Variants in CEP63 observed in about 807,000 individuals in gnomAD.
The protein encoded by CEP63 is centrosomal protein of 63 kDa.
A neutral mutation model predicts 89.1 loss-of-function variants in CEP63; 84 were observed. That is an observed-to-expected ratio of 0.94 (90% CI 0.79 to 1.13). The LOEUF is 1.13. CEP63 is among the 50% of genes most tolerant of loss of function. The probability of loss-of-function intolerance (pLI) is 0.00; values close to 1 mark genes in which losing one functional copy is unlikely to be tolerated. For synonymous variants in CEP63, 267 were observed against 272.5 expected (o/e 0.98, Z 0.20); for missense variants, 838 against 813.3 (o/e 1.03, Z -0.37).
intron 3 of CEP63, among the ~76,000 whole-genome samples, chr3:134,531,290 G>C (rs778340474): frequency 3.7e-4 from 57 of 152,074 alleles, no homozygotes; most frequent in Non-Finnish European, 6.6e-4. Context: ...ATCAGACAGA[G>C]AGACACAGTT....
chr3:134,725,743 T>C, the CEP63 span, among the ~76,000 whole-genome samples: 1 of 152,174 alleles, frequency 6.6e-6, no homozygotes, highest in Non-Finnish European at 1.5e-5. Context: ...CTCAGAGTTG[T>C]TAGGGTCTTG....
At chr3:134,616,372 T>C in the CEP63 span, among the ~76,000 whole-genome samples, 1 of 152,358 alleles carries the variant, frequency 6.6e-6, no homozygotes, top group South Asian at 2.1e-4. Context: ...AAAGTAATGA[T>C]GTCCACCCTG....
At chr3:134,495,752 C>T (rs1394184874) in intron 2 of CEP63, among the ~76,000 whole-genome samples, 3 of 152,194 alleles carry the variant, frequency 2.0e-5, no homozygotes, top group Admixed American at 6.5e-5. Context: ...TTCCCAGCCT[C>T]TGGTAACCAT....
intron 12 of CEP63, among the ~76,000 whole-genome samples, chr3:134,556,979 TAC>T (rs1047755374): frequency 1.3e-5 from 2 of 152,220 alleles, no homozygotes; most frequent in Admixed American, 1.3e-4. Flanking sequence ...TGAAATTACA[TAC>T]AGTGTGAATA....
chr3:134,566,069 C>G (rs1957744234), downstream of CEP63, among the ~76,000 whole-genome samples: 2 of 152,006 alleles, frequency 1.3e-5, no homozygotes, highest in South Asian at 4.1e-4. Context: ...TTAAACCAAT[C>G]TTTTGTAAAA....
chr3:134,557,443 A>G (rs1175787014), intron 12 of CEP63, among the ~76,000 whole-genome samples: 3 of 143,398 alleles, frequency 2.1e-5, no homozygotes, highest in African/African-American at 8.1e-5. Flanking sequence ...TAAACTCCAA[A>G]GATTACCATA....
chr3:134,633,439 G>T, the CEP63 span, among the ~76,000 whole-genome samples: 1 of 152,036 alleles, frequency 6.6e-6, no homozygotes, highest in African/African-American at 2.4e-5. Flanking sequence ...ATGCAAAGCT[G>T]GTTAAATATT....
At chr3:134,589,091 T>A (rs2107682310), downstream of CEP63, among the ~76,000 whole-genome samples, 1 of 152,340 alleles carries the variant, frequency 6.6e-6, no homozygotes, top group East Asian at 1.9e-4. Flanking sequence ...AGTATCAGGC[T>A]CAGATGGCTT....
intron 12 of CEP63, chr3:134,553,573 C>A (rs1955404652): frequency 1.3e-5 from 2 of 152,018 alleles, no homozygotes; most frequent in Admixed American, 6.5e-5. Flanking sequence ...TGTTCAACCT[C>A]TCTAATAAAG....
the CEP63 span, among the ~76,000 whole-genome samples, chr3:134,755,945 G>A: frequency 4.5e-4 from 68 of 152,294 alleles, no homozygotes; most frequent in South Asian, 5.4e-3. Context: ...AGGCTCACAC[G>A]GGTCCACAGC....
At chr3:134,778,922 A>G in the CEP63 span, among the ~76,000 whole-genome samples, 4 of 152,156 alleles carry the variant, frequency 2.6e-5, no homozygotes, top group Non-Finnish European at 5.9e-5. Context: ...ATGTGGCTCC[A>G]TGGTTGTTAC....
the CEP63 span, among the ~76,000 whole-genome samples, chr3:134,700,448 A>G: frequency 6.6e-6 from 1 of 152,216 alleles, no homozygotes; most frequent in Non-Finnish European, 1.5e-5. Flanking sequence ...GAAAAACAGC[A>G]GGTTCCTATC....
At position 134,547,614 on chromosome 3, in the gene CEP63, C is replaced by CTTTTTTTTTTTTGTTTTTTTTTT. The variant is rs1953754749; in HGVS notation, c.1067+154_1067+155insGTTTTTTTTTTTTTTTTTTTTTT. Reference sequence around the variant, plus strand: ...CCACAAATGGCCTAAGTTCTTATTTCTTTTTTTTTTTTTTTGAGACGGAGT... The same window carrying CTTTTTTTTTTTTGTTTTTTTTTT: ...CCACAAATGGCCTAAGTTCTTATTTCTTTTTTTTTTTTGTTTTTTTTTTTTTTTTTTTTTTTTTGAGACGGAGT... On this transcript the variant is annotated intron_variant, in intron 9 of 14. Coordinates refer to ENST00000675561, the MANE Select transcript of CEP63 (RefSeq NM_001353108.3). 3 of 224,274 alleles carry CTTTTTTTTTTTTGTTTTTTTTTT rather than the reference C, an allele frequency of 1.3e-5. 1 individual carries two copies. Among genetic ancestry groups the CTTTTTTTTTTTTGTTTTTTTTTT allele is most frequent in the Non-Finnish European group, 2.4e-5 (3 of 125,448 alleles). The allele number at this position is 224,274 out of a possible 1,614,324, so 13.9% of individuals were successfully genotyped here. A position where few individuals can be genotyped will look rare whatever the true frequency, so the allele number is the denominator to read the frequency against.
At chr3:134,609,075 G>C in the CEP63 span, among the ~76,000 whole-genome samples, 169 of 152,344 alleles carry the variant, frequency 1.1e-3, 1 homozygote, top group African/African-American at 3.7e-3. Context: ...TGCACTCAGT[G>C]CCCTAGGCTG....
intron 2 of CEP63, among the ~76,000 whole-genome samples, chr3:134,503,100 C>CTTTTTTT (rs34673408): frequency 0.011 from 1,048 of 91,468 alleles, no homozygotes; most frequent in East Asian, 0.021. Context: ...TGATTTCAAT[C>CTTTTTTT]TTTTTTTTTT....
At chr3:134,618,190 C>T in the CEP63 span, among the ~76,000 whole-genome samples, 3 of 152,088 alleles carry the variant, frequency 2.0e-5, no homozygotes, top group Non-Finnish European at 2.9e-5. Context: ...GTGATGGGGG[C>T]AGGAGGCAGC....
At chr3:134,675,527 T>G in the CEP63 span, among the ~76,000 whole-genome samples, 4 of 152,152 alleles carry the variant, frequency 2.6e-5, no homozygotes, top group Non-Finnish European at 5.9e-5. Flanking sequence ...AAAAAATAAA[T>G]GAATTGGACT....
chr3:134,550,468 G>A (rs971191638), intron 11 of CEP63, among the ~76,000 whole-genome samples: 13 of 152,204 alleles, frequency 8.5e-5, no homozygotes, highest in Admixed American at 7.2e-4. Flanking sequence ...TATCAGTGGT[G>A]TATGGTGAGA....
At chr3:134,649,223 G>A in the CEP63 span, among the ~76,000 whole-genome samples, 2 of 152,164 alleles carry the variant, frequency 1.3e-5, no homozygotes, top group African/African-American at 2.4e-5. Flanking sequence ...CAGCCATTAG[G>A]GGTCTTTTTT....
Sources: gnomAD v4.1 joint callset for allele counts (sites outside exome capture counted in the v4.1 genomes callset) on GRCh38, gnomAD v4.1.1 for gene constraint, MANE v1.5 for transcripts, NCBI Gene and HGNC (gene_info 2026-07-23, HGNC 2026-07-21) for gene names.